Variants in ASTN2 observed in about 807,000 individuals in gnomAD.
ASTN2 encodes astrotactin 2.
ASTN2 carries 54 observed loss-of-function variants against 139.8 expected under a neutral mutation model. The ratio of observed to expected loss-of-function variants is 0.39; its 90% CI spans 0.31 to 0.48. ASTN2 has a LOEUF of 0.48. Among genes scored for constraint, ASTN2 ranks in the 20% least tolerant of loss-of-function variants. ASTN2 has a pLI of 0.95. For synonymous variants in ASTN2, 756 were observed against 719.5 expected, an observed-to-expected ratio of 1.05 and a Z score of -0.81; for missense variants, 1,565 against 1,725.1, an observed-to-expected ratio of 0.91 and a Z score of 1.64.
chr9:117,075,140 G>A (rs761210727), intron 5 of ASTN2, among the ~76,000 whole-genome samples: 1 of 152,196 alleles, frequency 6.6e-6, no homozygotes, highest in Admixed American at 6.5e-5. Context: ...ATCCTTGGGC[G>A]ATCCCTGCCC....
chr9:116,692,452 C>G (rs1860619352), intron 16 of ASTN2, among the ~76,000 whole-genome samples: 1 of 152,150 alleles, frequency 6.6e-6, no homozygotes, highest in African/African-American at 2.4e-5. Context: ...TGGCTTGGTA[C>G]TGTACTTAGT....
rs537829709 is a variant in ASTN2, at chr9:117,366,800, A to C, written c.442+47697T>G. Among the ~76,000 whole-genome samples the C allele has an allele frequency of 2.0e-5, 3 of 152,066 alleles. No homozygotes were observed. The South Asian group carries it at 6.2e-4, about 32-fold the overall frequency. ...CTTCTCTTTTTTTTTTCTGAGACGC[A>C]GTCTCACTCTGTCTCCCAGGCTGGA... On this transcript the variant is annotated intron_variant, in intron 1 of 22. Coordinates refer to ENST00000313400, the MANE Select transcript of ASTN2 (RefSeq NM_001365068.1).
In ASTN2 at chr9:116,833,092, T is replaced by C. The variant is rs576960451; in HGVS notation, c.2041-12309A>G. 1.8e-4 allele frequency among the ~76,000 whole-genome samples: 27 copies of C among 152,212 alleles called. No individual in the cohort carries two copies. The South Asian group carries it at 2.9e-3, about 16-fold the overall frequency. Reference sequence around the variant, plus strand: ...ACAAAATAAATTTCCTTAATAGTTATAGGGCTTTCAAAATTATCTATTTCA... The same window carrying C: ...ACAAAATAAATTTCCTTAATAGTTACAGGGCTTTCAAAATTATCTATTTCA... On this transcript the variant is annotated intron_variant, in intron 11 of 22. Transcript: ENST00000313400.
intron 10 of ASTN2, among the ~76,000 whole-genome samples, chr9:116,908,968 G>A (rs1283377389): frequency 6.6e-6 from 1 of 152,154 alleles, no homozygotes; most frequent in Non-Finnish European, 1.5e-5. Flanking sequence ...GTGCTAGAAG[G>A]ACAACAAACA....
At chr9:116,975,378 C>G in intron 9 of ASTN2, 33 bp from the exon 10 acceptor site, 1 of 1,559,192 alleles carries the variant, frequency 6.4e-7, no homozygotes, top group Non-Finnish European at 8.7e-7. Context: ...GGGGAACTCC[C>G]TGGGAAGCAG....
intron 19 of ASTN2, among the ~76,000 whole-genome samples, chr9:116,489,897 G>T (rs1849459457): frequency 6.6e-6 from 1 of 152,194 alleles, no homozygotes; most frequent in South Asian, 2.1e-4. Flanking sequence ...TCAGGGTAGT[G>T]TTGGCAACAG....
chr9:117,357,882 C>T (rs573662682), intron 1 of ASTN2, among the ~76,000 whole-genome samples: 1 of 152,020 alleles, frequency 6.6e-6, no homozygotes, highest in African/African-American at 2.4e-5. Flanking sequence ...GAACAGAGTA[C>T]CTGAATGGTG....
Position 116,425,360 on chromosome 9 carries a change from C to T in ASTN2, c.*491G>A. The T allele has an allele frequency of 1.7e-6, 1 of 588,740 alleles. No individual in the cohort carries two copies. Among genetic ancestry groups the T allele is most frequent in the Non-Finnish European group, 3.0e-6 (1 of 329,570 alleles). 36.5% of individuals were successfully genotyped at this position (588,740 alleles called of 1,614,324 possible). ...AAAAAGAGAGAGAAGTCCTTAAAGA[C>T]CCATGCTTCCTCACTGCAACCATCC... On this transcript the variant is annotated 3_prime_UTR_variant, in exon 23 of 23. Coordinates refer to ENST00000313400, the MANE Select transcript of ASTN2 (RefSeq NM_001365068.1).
intron 1 of ASTN2, among the ~76,000 whole-genome samples, chr9:117,315,083 T>C (rs1299296944): frequency 6.6e-6 from 1 of 151,406 alleles, no homozygotes; most frequent in Non-Finnish European, 1.5e-5. Context: ...TACTCCAACA[T>C]ACCTGGAGAT....
At chr9:116,978,008 C>T (rs544094987) in intron 7 of ASTN2, among the ~76,000 whole-genome samples, 13 of 152,106 alleles carry the variant, frequency 8.5e-5, no homozygotes, top group Non-Finnish European at 1.6e-4. Context: ...TGAGCCACCA[C>T]GCCTGGCCTA....
At chr9:116,637,710 T>C (rs1030900595) in intron 17 of ASTN2, among the ~76,000 whole-genome samples, 1 of 152,186 alleles carries the variant, frequency 6.6e-6, no homozygotes, top group Non-Finnish European at 1.5e-5. Context: ...AGGACAAGGC[T>C]AGCAGATTAC....
intron 13 of ASTN2, among the ~76,000 whole-genome samples, chr9:116,759,427 G>C (rs1829618915): frequency 6.6e-6 from 1 of 152,116 alleles, no homozygotes; most frequent in South Asian, 2.1e-4. Context: ...TCTGAGATTT[G>C]CCTGTGGTCA....
At chr9:117,121,295 T>C (rs748236274) in intron 4 of ASTN2, among the ~76,000 whole-genome samples, 5 of 152,190 alleles carry the variant, frequency 3.3e-5, no homozygotes, top group Non-Finnish European at 7.3e-5. Flanking sequence ...TTTGGTAAGA[T>C]ATGTGCTTTA....
intron 4 of ASTN2, among the ~76,000 whole-genome samples, chr9:117,102,173 T>C (rs1457171445): frequency 6.6e-6 from 1 of 152,206 alleles, no homozygotes; most frequent in East Asian, 1.9e-4. Flanking sequence ...CAAAATGTGG[T>C]ATATAGACAT....
At chr9:117,313,144 A>G (rs1035203305) in intron 1 of ASTN2, among the ~76,000 whole-genome samples, 7 of 152,214 alleles carry the variant, frequency 4.6e-5, no homozygotes, top group Admixed American at 1.3e-4. Flanking sequence ...CCAGGGTGGC[A>G]ATCTCAATCT....
At chr9:117,216,439 C>T (rs942141778) in intron 2 of ASTN2, among the ~76,000 whole-genome samples, 4 of 152,176 alleles carry the variant, frequency 2.6e-5, no homozygotes, top group African/African-American at 9.7e-5. Context: ...CTTTGGTTTC[C>T]CCAAGAAAGT....
intron 4 of ASTN2, among the ~76,000 whole-genome samples, chr9:117,103,750 A>T (rs554408363): frequency 1.3e-5 from 2 of 152,306 alleles, no homozygotes; most frequent in South Asian, 4.2e-4. Context: ...GTGCCAGATA[A>T]AGAAATATGT....
intron 16 of ASTN2, among the ~76,000 whole-genome samples, chr9:116,717,329 C>T (rs543264000): frequency 7.2e-5 from 11 of 152,200 alleles, no homozygotes; most frequent in Admixed American, 1.3e-4. Context: ...CTTGTGGAAA[C>T]GGCAGTCTCA....
chr9:116,530,633 A>T (rs1209384024), intron 19 of ASTN2, among the ~76,000 whole-genome samples: 1 of 152,180 alleles, frequency 6.6e-6, no homozygotes, highest in Non-Finnish European at 1.5e-5. Flanking sequence ...AGTAACTAAA[A>T]CAAGAAAATA....
Sources: gnomAD v4.1 joint callset for allele counts (sites outside exome capture counted in the v4.1 genomes callset) on GRCh38, gnomAD v4.1.1 for gene constraint, MANE v1.5 for transcripts, NCBI Gene and HGNC (gene_info 2026-07-23, HGNC 2026-07-21) for gene names.